Variants in F13B observed in about 807,000 individuals in gnomAD.
F13B encodes the protein TGase.
A neutral mutation model predicts 79.8 loss-of-function variants in F13B; 58 were observed. The observed-to-expected ratio is 0.73, with a 90% CI of 0.59 to 0.90. The LOEUF is 0.90. Ranked by LOEUF, F13B falls within the 40% of genes least tolerant of loss-of-function variation. The pLI, the probability that F13B is intolerant of heterozygous loss-of-function variation, is 0.00. For synonymous variants in F13B, 283 were observed against 260.3 expected, an observed-to-expected ratio of 1.09 and a Z score of -0.84; for missense variants, 773 against 777.0, an observed-to-expected ratio of 0.99 and a Z score of 0.06.
At chr1:197,048,902 T>C (rs559708536) in intron 10 of F13B, among the ~76,000 whole-genome samples, 32 of 152,156 alleles carry the variant, frequency 2.1e-4, no homozygotes, top group Admixed American at 6.6e-4. Context: ...AATTTTAAAG[T>C]GCAGATATAA....
At chr1:197,055,131 A>G (rs1655592972) in intron 8 of F13B, among the ~76,000 whole-genome samples, 1 of 152,046 alleles carries the variant, frequency 6.6e-6, no homozygotes, top group South Asian at 2.1e-4. Context: ...TCTGCATCAT[A>G]TCATAGCATT....
intron 7 of F13B, 58 bp downstream of exon 7, chr1:197,056,955 A>G: frequency 1.3e-6 from 2 of 1,580,290 alleles, no homozygotes; most frequent in Non-Finnish European, 1.7e-6. Context: ...TTAAAGTAAC[A>G]GAATGGAAAA....
rs1327142754 is a variant in F13B at position 197,050,707 on chromosome 1, TG to T, written c.1727del (p.Pro576HisfsTer4). On this transcript the variant is annotated frameshift_variant, in exon 10 of 12. Coordinates refer to ENST00000367412, the MANE Select transcript of F13B (RefSeq NM_001994.3). LOFTEE classifies it high-confidence loss of function. ...TTTAGTAGTACATACCTAAACACAA[TG>T]GTGGTGTAGTCCACATTCCATCTAA... ...YCLDGMWTTP[P>X]LCLEPCTLSF... 2.6e-5 allele frequency: 42 copies of T among 1,613,016 alleles called. No individual in the cohort carries two copies. Among genetic ancestry groups the T allele is most frequent in the Non-Finnish European group, 3.6e-5 (42 of 1,179,354 alleles).
chr1:197,066,406 T>C (rs1656049615), intron 1 of F13B, among the ~76,000 whole-genome samples: 1 of 152,186 alleles, frequency 6.6e-6, no homozygotes, highest in South Asian at 2.1e-4. Flanking sequence ...TTCTTCATCC[T>C]ATGGCCTGAT....
At position 197,057,479 on chromosome 1, in the gene F13B, T is replaced by A. The variant is rs763956100; in HGVS notation, c.806-14A>T. On this transcript the variant is annotated splice_polypyrimidine_tract_variant and intron_variant, in intron 5 of 11. Transcript: ENST00000367412. ...TGTTTCTTCTTCCTTATGGAAAAAATTAATCAGCACCTTTAGTCATATAAT... is the reference window on the plus strand; with the variant it reads ...TGTTTCTTCTTCCTTATGGAAAAAAATAATCAGCACCTTTAGTCATATAAT... The A allele has an allele frequency of 3.7e-6, 6 of 1,612,934 alleles. No individual in the cohort carries two copies. The highest frequency in any genetic ancestry group is 1.3e-5 in the African/African-American group (1 of 74,972).
At chr1:197,056,940 T>A (rs1245307910) in intron 7 of F13B, 73 bp downstream of exon 7, 1 of 1,512,400 alleles carries the variant, frequency 6.6e-7, no homozygotes, top group African/African-American at 1.4e-5. Flanking sequence ...CTAGGAATAT[T>A]CAGATTAAAG....
chr1:197,039,713 C>T (rs1654968038), intron 11 of F13B, among the ~76,000 whole-genome samples: 1 of 152,096 alleles, frequency 6.6e-6, no homozygotes, highest in East Asian at 1.9e-4. Context: ...CACCCTGATG[C>T]TACCACAATT....
Position 197,061,848 on chromosome 1 carries a change from A to G in F13B, c.387T>C (p.Asp129=), listed in dbSNP as rs918630922. Residue 129 remains aspartate (D), a synonymous_variant, in exon 3 of 12, where the codon GAT becomes GAC. Transcript: ENST00000367412. The part of the protein sequence containing the change: ...ASGYKTTGGK[D]EEVVQCLSDG... ...CAGAGAGACATTGAACCACTTCTTCATCCTTCCCTCCAGTGGTTTTGTACC... is the reference window on the plus strand; with the variant it reads ...CAGAGAGACATTGAACCACTTCTTCGTCCTTCCCTCCAGTGGTTTTGTACC... 4 of 1,613,430 alleles carry G rather than the reference A, an allele frequency of 2.5e-6. No homozygotes were observed. In the African/African-American group the frequency reaches 4.0e-5, roughly 16 times the overall value.
In F13B at chr1:197,062,759, AAAAGGTTTAACC is replaced by A. The variant is rs1655908575; in HGVS notation, c.265+86_265+97del. 2.6e-6 allele frequency: 3 copies of A among 1,164,756 alleles called. No individual in the cohort carries two copies. In the African/African-American group the frequency reaches 4.6e-5, roughly 18 times the overall value. 72.2% of individuals were successfully genotyped at this position (1,164,756 alleles called of 1,614,324 possible). Reference sequence around the variant, plus strand: ...GCTAGTGATTTTGTTCTTATCTACTAAAAGGTTTAACCGCTTTCCATTTTTATTGGACCCCTA... The same window carrying A: ...GCTAGTGATTTTGTTCTTATCTACTAGCTTTCCATTTTTATTGGACCCCTA... On this transcript the variant is annotated intron_variant, in intron 2 of 11. Coordinates refer to ENST00000367412, the MANE Select transcript of F13B (RefSeq NM_001994.3).
intron 8 of F13B, 34 bp downstream of exon 8, chr1:197,055,681 C>T (rs768801735): frequency 1.2e-6 from 2 of 1,603,368 alleles, no homozygotes; most frequent in South Asian, 1.1e-5. Context: ...CATAAAAGTA[C>T]AAACGTAGAC....
At position 197,038,742 on chromosome 1, in the gene F13B, T is replaced by G. The variant is rs1484599935; in HGVS notation, c.*636A>C. ...ATAAATAAATAAAATTAAATAAAAT[T>G]CCAAGGGTCATTCTTTCTTTAATTG... On this transcript the variant is annotated 3_prime_UTR_variant, in exon 12 of 12. Coordinates refer to ENST00000367412, the MANE Select transcript of F13B (RefSeq NM_001994.3). Among the ~76,000 whole-genome samples the G allele has an allele frequency of 7.0e-6, 1 of 141,892 alleles. No individual in the cohort carries two copies. The highest frequency in any genetic ancestry group is 1.6e-5 in the Non-Finnish European group (1 of 64,222). The allele number at this position is 141,892 out of a possible 152,430, so 93.1% of individuals were successfully genotyped here. A position where few individuals can be genotyped will look rare whatever the true frequency, so the allele number is the denominator to read the frequency against.
intron 10 of F13B, among the ~76,000 whole-genome samples, chr1:197,046,587 T>C (rs539967969): frequency 3.2e-4 from 48 of 152,236 alleles, no homozygotes; most frequent in African/African-American, 9.6e-4. Context: ...CCATGCTGCC[T>C]AAGGTAATTT....
chr1:197,050,892 G>C lies in F13B; in HGVS notation c.1556-13C>G, dbSNP rs149088047. 121 of 1,607,096 alleles carry C rather than the reference G, an allele frequency of 7.5e-5. No homozygotes were observed. The highest frequency in any genetic ancestry group is 9.8e-5 in the Non-Finnish European group (115 of 1,174,628). On this transcript the variant is annotated splice_polypyrimidine_tract_variant and intron_variant, in intron 9 of 11. Coordinates refer to ENST00000367412, the MANE Select transcript of F13B (RefSeq NM_001994.3). ...ATTCCTTTAGATTCTGCAAAAATAA[G>C]TTTTAAAGTATACAATGAATTGCTA...
Position 197,060,911 on chromosome 1 carries a change from G to C in F13B, c.616C>G (p.Pro206Ala), listed in dbSNP as rs764880996. 1 of 1,612,948 alleles carries C rather than the reference G, an allele frequency of 6.2e-7. No individual in the cohort carries two copies. The highest frequency in any genetic ancestry group is 8.5e-7 in the Non-Finnish European group (1 of 1,179,286). ...ECLTYGWSLTPKCTKLKCSSL... is the reference protein window; with the variant it reads ...ECLTYGWSLTAKCTKLKCSSL... Reference sequence around the variant, plus strand: ...AATGAGAACCTACTGGTACATTTTGGTGTGAGAGACCATCCGTATGTGAGA... The same window carrying C: ...AATGAGAACCTACTGGTACATTTTGCTGTGAGAGACCATCCGTATGTGAGA... The change falls in exon 4 of 12, where the codon CCA (proline) becomes GCA (alanine). Residue 206 changes from proline (P) to alanine (A), a missense_variant. Pro to Ala is a conservative substitution (Grantham distance 27, BLOSUM62 -1). Transcript: ENST00000367412.
At chr1:197,045,325 G>A (rs1388132966) in intron 10 of F13B, among the ~76,000 whole-genome samples, 1 of 151,848 alleles carries the variant, frequency 6.6e-6, no homozygotes, top group Non-Finnish European at 1.5e-5. Context: ...ATAATAAAGG[G>A]AATATCACCA....
chr1:197,042,687 G>T (rs1408274829), intron 10 of F13B, among the ~76,000 whole-genome samples: 1 of 145,406 alleles, frequency 6.9e-6, no homozygotes, highest in Non-Finnish European at 1.5e-5. Context: ...GGGCATGGTG[G>T]CATGCACCTG....
Position 197,061,919 on chromosome 1 carries a change from A to C in F13B, c.316T>G (p.Leu106Val). Residue 106 changes from leucine (L) to valine (V), a missense_variant, in exon 3 of 12, where the codon TTA becomes GTA. By Grantham distance (32) the Leu-to-Val change is conservative. Coordinates refer to ENST00000367412, the MANE Select transcript of F13B (RefSeq NM_001994.3). Reference protein sequence around the residue: ...LSNGYISDVKLLYKIQENMRY... With the variant: ...LSNGYISDVKVLYKIQENMRY... ...ATGTTCTCTTGAATTTTATACAATAACTTTACATCAGAGATGTAACCATTA... is the reference window on the plus strand; with the variant it reads ...ATGTTCTCTTGAATTTTATACAATACCTTTACATCAGAGATGTAACCATTA... 6.2e-7 allele frequency: 1 copy of C among 1,612,946 alleles called. No homozygotes were observed. Among genetic ancestry groups the C allele is most frequent in the Non-Finnish European group, 8.5e-7 (1 of 1,179,378 alleles).
At chr1:197,060,598 A>G in intron 4 of F13B, 56 bp from the exon 5 acceptor site, 1 of 1,237,752 alleles carries the variant, frequency 8.1e-7, no homozygotes, top group Non-Finnish European at 1.2e-6. Context: ...TTCTGCTACA[A>G]CAAAATGCAC....
Position 197,039,139 on chromosome 1 carries a change from TTTG to T in F13B, c.*236_*238del. The T allele has an allele frequency of 8.6e-6, 4 of 466,696 alleles. No homozygotes were observed. The highest frequency in any genetic ancestry group is 2.9e-5 in the South Asian group (1 of 33,936). 28.9% of individuals were successfully genotyped at this position (466,696 alleles called of 1,614,324 possible). Reference sequence around the variant, plus strand: ...AATGAAAATATGATGTGTAGATTAATTTGTAACAGATGGAAGACATACAAAAGA... The same window carrying T: ...AATGAAAATATGATGTGTAGATTAATTAACAGATGGAAGACATACAAAAGA... On this transcript the variant is annotated 3_prime_UTR_variant, in exon 12 of 12. Coordinates refer to ENST00000367412, the MANE Select transcript of F13B (RefSeq NM_001994.3).
Sources: gnomAD v4.1 joint callset for allele counts (sites outside exome capture counted in the v4.1 genomes callset) on GRCh38, gnomAD v4.1.1 for gene constraint, MANE v1.5 for transcripts, NCBI Gene and HGNC (gene_info 2026-07-23, HGNC 2026-07-21) for gene names.